The following EGLN1 variants were observed in gnomAD, a reference collection of about 807,000 sequenced individuals.
The protein encoded by EGLN1 is egl nine homolog 1.
Under a neutral mutation model 38.3 loss-of-function variants are expected in EGLN1, and 17 were observed. That is an observed-to-expected ratio of 0.44 (90% CI 0.30 to 0.67). The LOEUF is 0.67. Among genes scored for constraint, EGLN1 ranks in the 30% least tolerant of loss-of-function variants. EGLN1 has a pLI of 0.08. For synonymous variants in EGLN1, 283 were observed against 257.5 expected (o/e 1.10, Z -0.95); for missense variants, 477 against 603.3 (o/e 0.79, Z 2.19).
At chr1:231,413,263 G>A (rs1301511203) in intron 1 of EGLN1, among the ~76,000 whole-genome samples, 1 of 151,788 alleles carries the variant, frequency 6.6e-6, no homozygotes, top group Non-Finnish European at 1.5e-5. Context: ...TTTAGTAGAG[G>A]TGAGGTTTCA....
At chr1:231,376,441 G>C (rs1208906631) in intron 1 of EGLN1, among the ~76,000 whole-genome samples, 1 of 152,190 alleles carries the variant, frequency 6.6e-6, no homozygotes, top group Non-Finnish European at 1.5e-5. Context: ...CAAAGTGCAA[G>C]AGTAGCGATG....
chr1:231,406,165 C>CAAAAAAAAAAA (rs5781651), intron 1 of EGLN1, among the ~76,000 whole-genome samples: 11,679 of 137,052 alleles, frequency 0.085, 467 homozygotes, highest in African/African-American at 0.13. Flanking sequence ...GACTCCGTCT[C>CAAAAAAAAAAA]AAAAAAAAAA....
At chr1:231,405,595 T>G (rs2474631) in intron 1 of EGLN1, among the ~76,000 whole-genome samples, 1 of 151,922 alleles carries the variant, frequency 6.6e-6, no homozygotes, top group East Asian at 1.9e-4. Flanking sequence ...AGTTGTTGAG[T>G]GCCTTGCTCA....
At chr1:231,371,245 A>G (rs2102895261) in intron 2 of EGLN1, among the ~76,000 whole-genome samples, 1 of 152,348 alleles carries the variant, frequency 6.6e-6, no homozygotes, top group East Asian at 1.9e-4. Flanking sequence ...TCTGAATTTA[A>G]AAGTCTTAAA....
chr1:231,367,675 TGCG>T (rs1687688401), intron 3 of EGLN1, 39 bp from the exon 4 acceptor site: 1 of 1,586,818 alleles, frequency 6.3e-7, no homozygotes. Flanking sequence ...ATGATCACAC[TGCG>T]GGGAAAAAGT....
intron 1 of EGLN1, among the ~76,000 whole-genome samples, chr1:231,412,743 T>C (rs982839077): frequency 7.2e-5 from 11 of 152,152 alleles, no homozygotes; most frequent in Non-Finnish European, 1.2e-4. Context: ...AACATATAAC[T>C]TTTTTCTTGT....
chr1:231,364,316 T>C lies in EGLN1; in HGVS notation c.*2095A>G, dbSNP rs1687581081. ...CAAACCTCCCATCAACATAAAACAA[T>C]TTCTACTAACCCTAAAAAAGATAAT... On this transcript the variant is annotated 3_prime_UTR_variant, in exon 5 of 5. Coordinates refer to ENST00000366641, the MANE Select transcript of EGLN1 (RefSeq NM_022051.3). The C allele has an allele frequency of 1.3e-5, 2 of 152,158 alleles. No individual in the cohort carries two copies. Among genetic ancestry groups the C allele is most frequent in the South Asian group, 4.1e-4 (2 of 4,832 alleles). 9.4% of individuals were successfully genotyped at this position (152,158 alleles called of 1,614,324 possible).
intron 1 of EGLN1, among the ~76,000 whole-genome samples, chr1:231,391,090 T>TGTGTGTGTGTGTG (rs1553353081): frequency 9.4e-5 from 5 of 53,102 alleles, no homozygotes; most frequent in African/African-American, 3.2e-4. Flanking sequence ...TCTGTTTTTT[T>TGTGTGTGTGTGTG]TTTGTGTGTG....
intron 1 of EGLN1, among the ~76,000 whole-genome samples, chr1:231,376,183 T>C (rs1322617794): frequency 6.6e-6 from 1 of 152,210 alleles, no homozygotes; most frequent in African/African-American, 2.4e-5. Context: ...TTTGGTCAAC[T>C]TAGTCCAAAA....
At chr1:231,420,897 T>C (rs892775956) in intron 1 of EGLN1, 101 bp downstream of exon 1, 13 of 1,607,930 alleles carry the variant, frequency 8.1e-6, no homozygotes, top group African/African-American at 8.0e-5. Flanking sequence ...GTCCCTTCTA[T>C]ATAGAGGAAT....
At chr1:231,415,270 TAAAA>T (rs71777021) in intron 1 of EGLN1, among the ~76,000 whole-genome samples, 39 of 135,096 alleles carry the variant, frequency 2.9e-4, no homozygotes, top group African/African-American at 4.0e-4. Context: ...CCCTGTCCTT[TAAAA>T]AAAAAAAAAA....
At chr1:231,396,828 A>C (rs1408214494) in intron 1 of EGLN1, among the ~76,000 whole-genome samples, 1 of 152,178 alleles carries the variant, frequency 6.6e-6, no homozygotes, top group Non-Finnish European at 1.5e-5. Context: ...CTCCCTACGG[A>C]AACTTAGAAC....
intron 1 of EGLN1, among the ~76,000 whole-genome samples, chr1:231,379,611 A>G (rs1266656126): frequency 6.6e-6 from 1 of 152,234 alleles, no homozygotes; most frequent in South Asian, 2.1e-4. Context: ...GCAGGACGCC[A>G]TTCTACTGCA....
chr1:231,421,753 G>A lies in EGLN1; in HGVS notation c.136C>T (p.His46Tyr), dbSNP rs1490844431. The A allele has an allele frequency of 6.4e-7, 1 of 1,551,212 alleles. No homozygotes were observed. Among genetic ancestry groups the A allele is most frequent in the Non-Finnish European group, 8.6e-7 (1 of 1,157,688 alleles). Residue 46 changes from histidine (H) to tyrosine (Y), a missense_variant, in exon 1 of 5, where the codon CAC becomes TAC. Transcript: ENST00000366641. The surrounding 1 kb of genome is among the most constrained non-coding windows in gnomAD (Gnocchi z 5.5). ...CRSSFYCCKE[H>Y]QRQDWKKHKL... is the part of the protein sequence containing the mutation. The stretch of plus-strand genomic sequence containing the variant: ...TGCTTCTTCCAGTCCTGACGCTGGT[G>A]CTCCTTGCAGCAGTAGAAGGAGCTG...
intron 1 of EGLN1, among the ~76,000 whole-genome samples, chr1:231,397,205 C>T (rs1688551886): frequency 6.6e-6 from 1 of 152,246 alleles, no homozygotes; most frequent in Admixed American, 6.5e-5. Context: ...AGGTTCGCTA[C>T]AAACAAGACA....
chr1:231,375,616 G>A (rs960419438), intron 1 of EGLN1, among the ~76,000 whole-genome samples: 5 of 152,194 alleles, frequency 3.3e-5, no homozygotes, highest in Non-Finnish European at 7.3e-5. Flanking sequence ...CATTATATAT[G>A]TCTCTGTTTT....
intron 1 of EGLN1, among the ~76,000 whole-genome samples, chr1:231,410,608 A>G (rs1050822465): frequency 6.6e-6 from 1 of 152,200 alleles, no homozygotes; most frequent in Admixed American, 6.5e-5. Context: ...ACTAAGAAGA[A>G]AAATCTAGAA....
intron 1 of EGLN1, among the ~76,000 whole-genome samples, chr1:231,386,919 G>A (rs1688224343): frequency 6.6e-6 from 1 of 152,136 alleles, no homozygotes. Flanking sequence ...GGGCGCAGTG[G>A]CTTGGATCAT....
rs1656647325 is a variant in EGLN1 at position 231,421,982 on chromosome 1, G to A, written c.-94C>T. On this transcript the variant is annotated 5_prime_UTR_variant, in exon 1 of 5. Transcript: ENST00000366641. This position sits in a 1 kb window ranked among gnomAD's most constrained non-coding sequence, Gnocchi z 5.5. ...CCCGAGGCTGGGGAGCGGGGAGAGAGATAGGGGCCGTTACTGCGCCATGCA... is the reference window on the plus strand; with the variant it reads ...CCCGAGGCTGGGGAGCGGGGAGAGAAATAGGGGCCGTTACTGCGCCATGCA... The A allele has an allele frequency of 4.7e-6, 6 of 1,271,212 alleles. No homozygotes were observed. The South Asian group carries it at 8.9e-5, about 19-fold the overall frequency. The allele number at this position is 1,271,212 out of a possible 1,614,324, so 78.7% of individuals were successfully genotyped here.
Sources: allele counts gnomAD v4.1 joint callset (sites outside exome capture counted in the v4.1 genomes callset), GRCh38; gene constraint gnomAD v4.1.1; non-coding constraint Gnocchi (gnomAD v3.1); transcripts MANE v1.5; gene names NCBI Gene and HGNC (gene_info 2026-07-23, HGNC 2026-07-21).